DPYD: variants seen among roughly 807,000 people sequenced by gnomAD.
DPYD encodes the protein dihydropyrimidine dehydrogenase [NADP(+)].
Under a neutral mutation model 116.2 loss-of-function variants are expected in DPYD, and 109 were observed. That is an observed-to-expected ratio of 0.94 (90% CI 0.80 to 1.10). DPYD has a LOEUF of 1.10. DPYD is among the 50% of genes least tolerant of loss of function. The pLI is 0.00. For synonymous variants in DPYD, 440 were observed against 432.0 expected (o/e 1.02, Z -0.23); for missense variants, 1,302 against 1,254.5 (o/e 1.04, Z -0.57).
intron 7 of DPYD, among the ~76,000 whole-genome samples, chr1:97,687,226 G>A (rs1022438738): frequency 6.6e-6 from 1 of 152,088 alleles, no homozygotes; most frequent in African/African-American, 2.4e-5. Context: ...AGCCAAGATA[G>A]TGCCACTGCA....
chr1:97,679,226 T>C, intron 7 of DPYD, 44 bp from the exon 8 acceptor site: 1 of 1,061,408 alleles, frequency 9.4e-7, no homozygotes, highest in South Asian at 1.5e-5. Flanking sequence ...GGCATATGAT[T>C]AATTAAAATC....
intron 18 of DPYD, among the ~76,000 whole-genome samples, chr1:97,248,010 T>C (rs972127097): frequency 6.6e-6 from 1 of 152,240 alleles, no homozygotes; most frequent in African/African-American, 2.4e-5. Flanking sequence ...ACTCATTTTA[T>C]AAAGCCAGTA....
intron 16 of DPYD, among the ~76,000 whole-genome samples, chr1:97,344,675 T>G (rs1669755505): frequency 6.6e-6 from 1 of 151,824 alleles, no homozygotes; most frequent in South Asian, 2.1e-4. Flanking sequence ...TAGAGATCTA[T>G]CTCACTGTTT....
intron 18 of DPYD, among the ~76,000 whole-genome samples, chr1:97,273,765 G>A (rs577180720): frequency 2.0e-5 from 3 of 152,218 alleles, no homozygotes; most frequent in South Asian, 4.1e-4. Flanking sequence ...TAAAATGCAA[G>A]TGTCTTGCTT....
intron 2 of DPYD, chr1:97,856,856 T>C (rs1320099428): frequency 1.3e-5 from 2 of 152,306 alleles, no homozygotes; most frequent in African/African-American, 4.8e-5. Context: ...ATCTCTGGCA[T>C]TGGCAGATGC....
At chr1:97,315,483 A>G (rs1609519) in intron 16 of DPYD, among the ~76,000 whole-genome samples, 36,422 of 151,588 alleles carry the variant, frequency 0.24, 5,473 homozygotes, top group Admixed American at 0.39. Flanking sequence ...TTTTCCTTTC[A>G]CAAGCATTTC....
At chr1:97,644,082 T>TA (rs1557857437) in intron 8 of DPYD, among the ~76,000 whole-genome samples, 2 of 150,850 alleles carry the variant, frequency 1.3e-5, no homozygotes, top group African/African-American at 4.9e-5. Context: ...TAAAGTATAA[T>TA]AAAAAAAAGA....
At chr1:97,566,925 T>A (rs539153401) in intron 11 of DPYD, among the ~76,000 whole-genome samples, 3 of 152,274 alleles carry the variant, frequency 2.0e-5, no homozygotes, top group African/African-American at 7.2e-5. Flanking sequence ...GTAAATCAAA[T>A]CAAACATACT....
chr1:97,620,788 A>T (rs1656587817), intron 8 of DPYD, among the ~76,000 whole-genome samples: 1 of 152,076 alleles, frequency 6.6e-6, no homozygotes, highest in African/African-American at 2.4e-5. Context: ...CCCCTATCTA[A>T]TCATTCTTTT....
intron 2 of DPYD, among the ~76,000 whole-genome samples, chr1:97,859,089 A>G (rs1291052562): frequency 2.0e-5 from 3 of 152,050 alleles, no homozygotes; most frequent in African/African-American, 7.2e-5. Flanking sequence ...CTTTGTTCTT[A>G]AAAATAAGTG....
chr1:97,913,187 C>A lies in DPYD; in HGVS notation c.39+7697G>T, dbSNP rs190270654. Among the ~76,000 whole-genome samples the A allele has an allele frequency of 4.2e-3, 632 of 152,166 alleles. 5 individuals are homozygous for A. Among genetic ancestry groups the A allele is most frequent in the Non-Finnish European group, 5.5e-3 (372 of 68,004 alleles). ...CTCAGGCGAAATTTAGATTTAGCTACTTCATCAGATTAAAAAAGAAAAGGC... is the reference window on the plus strand; with the variant it reads ...CTCAGGCGAAATTTAGATTTAGCTAATTCATCAGATTAAAAAAGAAAAGGC... On this transcript the variant is annotated intron_variant, in intron 1 of 22. Coordinates refer to ENST00000370192, the MANE Select transcript of DPYD (RefSeq NM_000110.4).
intron 11 of DPYD, among the ~76,000 whole-genome samples, chr1:97,550,955 G>C (rs1005917106): frequency 6.6e-6 from 1 of 152,160 alleles, no homozygotes; most frequent in Non-Finnish European, 1.5e-5. Flanking sequence ...TAGAGTTGTA[G>C]AAAATTATTG....
chr1:97,578,465 G>GA (rs914989562), intron 10 of DPYD, among the ~76,000 whole-genome samples: 29 of 148,220 alleles, frequency 2.0e-4, no homozygotes, highest in East Asian at 7.9e-4. Context: ...GCCTCACAAA[G>GA]AAAAAAAAAA....
At chr1:97,818,396 T>A (rs1435071526) in intron 3 of DPYD, among the ~76,000 whole-genome samples, 1 of 152,022 alleles carries the variant, frequency 6.6e-6, no homozygotes, top group Non-Finnish European at 1.5e-5. Context: ...TTCTACTGTT[T>A]CACCAGATTT....
intron 13 of DPYD, among the ~76,000 whole-genome samples, chr1:97,475,255 A>G (rs963521323): frequency 6.6e-6 from 1 of 152,172 alleles, no homozygotes; most frequent in Non-Finnish European, 1.5e-5. Flanking sequence ...TGAAAAACAA[A>G]GTTAAATCAT....
intron 8 of DPYD, among the ~76,000 whole-genome samples, chr1:97,647,647 A>C (rs1658345635): frequency 6.6e-6 from 1 of 151,994 alleles, no homozygotes; most frequent in Non-Finnish European, 1.5e-5. Flanking sequence ...GAATGAGCTA[A>C]AAAGATTATC....
intron 12 of DPYD, among the ~76,000 whole-genome samples, chr1:97,542,784 T>G (rs2102060853): frequency 6.7e-6 from 1 of 148,530 alleles, no homozygotes; most frequent in South Asian, 2.1e-4. Flanking sequence ...AAATGCATCT[T>G]TTGAATGAAT....
chr1:97,313,289 T>C (rs1457870211), intron 16 of DPYD, among the ~76,000 whole-genome samples: 5 of 151,950 alleles, frequency 3.3e-5, no homozygotes, highest in African/African-American at 7.2e-5. Flanking sequence ...GAGTACAGTA[T>C]ACTGGGTCCA....
At chr1:97,323,237 T>C (rs564487505) in intron 16 of DPYD, among the ~76,000 whole-genome samples, 25 of 148,882 alleles carry the variant, frequency 1.7e-4, no homozygotes, top group Admixed American at 4.1e-4. Context: ...TGTATATATG[T>C]ATACACATTT....
Sources: gnomAD v4.1 joint callset for allele counts (sites outside exome capture counted in the v4.1 genomes callset) on GRCh38, gnomAD v4.1.1 for gene constraint, MANE v1.5 for transcripts, NCBI Gene and HGNC (gene_info 2026-07-23, HGNC 2026-07-21) for gene names.